Variants in NTNG1 observed in about 807,000 individuals in gnomAD.
NTNG1 encodes netrin-G1.
NTNG1 carries 16 observed loss-of-function variants against 54.0 expected under a neutral mutation model. The observed-to-expected ratio is 0.30, with a 90% CI of 0.20 to 0.45. The LOEUF is 0.45. Ranked by LOEUF, NTNG1 falls within the 20% of genes least tolerant of loss-of-function variation. The probability of loss-of-function intolerance (pLI) is 1.00; values close to 1 mark genes in which losing one functional copy is unlikely to be tolerated. For missense variants in NTNG1, 530 were observed against 678.7 expected (o/e 0.78, Z 2.43); for synonymous variants, 255 against 263.1 (o/e 0.97, Z 0.30).
chr1:107,171,227 G>T (rs562306751), intron 2 of NTNG1, among the ~76,000 whole-genome samples: 7 of 151,808 alleles, frequency 4.6e-5, no homozygotes, highest in African/African-American at 1.7e-4. Context: ...TATTTTTTGA[G>T]TTGAGTTTCA....
intron 2 of NTNG1, among the ~76,000 whole-genome samples, chr1:107,313,241 T>C (rs888437139): frequency 1.6e-4 from 25 of 152,358 alleles, no homozygotes; most frequent in African/African-American, 5.8e-4. Flanking sequence ...GAGATTTGTC[T>C]GGTATTTCCT....
intron 2 of NTNG1, among the ~76,000 whole-genome samples, chr1:107,248,689 C>T (rs114640074): frequency 1.3e-4 from 20 of 152,216 alleles, no homozygotes; most frequent in Non-Finnish European, 2.6e-4. Context: ...CATCCCAAAT[C>T]CAGGAGGGTG....
At chr1:107,302,992 T>C (rs1400147202) in intron 2 of NTNG1, among the ~76,000 whole-genome samples, 3 of 152,308 alleles carry the variant, frequency 2.0e-5, no homozygotes, top group African/African-American at 7.2e-5. Context: ...TATTTCCCCC[T>C]ACCTTCCTAC....
intron 2 of NTNG1, among the ~76,000 whole-genome samples, chr1:107,310,863 T>A (rs1371472922): frequency 6.6e-6 from 1 of 151,938 alleles, no homozygotes; most frequent in Admixed American, 6.6e-5. Flanking sequence ...CTGAGGGCCT[T>A]CTTTAAAAAA....
intron 7 of NTNG1, among the ~76,000 whole-genome samples, chr1:107,447,174 G>A (rs1676356181): frequency 6.6e-6 from 1 of 152,012 alleles, no homozygotes; most frequent in Non-Finnish European, 1.5e-5. Context: ...TTATTTTTAA[G>A]ACATACATTT....
At chr1:107,308,841 T>C in intron 2 of NTNG1, among the ~76,000 whole-genome samples, 1 of 152,160 alleles carries the variant, frequency 6.6e-6, no homozygotes, top group Non-Finnish European at 1.5e-5. Flanking sequence ...TTGAGATCCT[T>C]CACCTCTCTG....
At chr1:107,198,633 G>A (rs12024844) in intron 2 of NTNG1, among the ~76,000 whole-genome samples, 1 of 151,826 alleles carries the variant, frequency 6.6e-6, no homozygotes, top group Non-Finnish European at 1.5e-5. Flanking sequence ...AAAGAACTTA[G>A]AACTGGGGAC....
Position 107,395,054 on chromosome 1 carries a change from C to A in NTNG1, c.888-100C>A, listed in dbSNP as rs1044258699. 4 of 892,154 alleles carry A rather than the reference C, an allele frequency of 4.5e-6. No homozygotes were observed. The East Asian group carries it at 7.3e-5, about 16-fold the overall frequency. The allele number at this position is 892,154 out of a possible 1,614,324, so 55.3% of individuals were successfully genotyped here. A position where few individuals can be genotyped will look rare whatever the true frequency, so the allele number is the denominator to read the frequency against. ...TCTTACTAAATGCCTCTGTGTATCA[C>A]TAAAGCACTGCATGGTTTGAGGAGA... On this transcript the variant is annotated intron_variant, in intron 3 of 7. Coordinates refer to ENST00000370068, the MANE Select transcript of NTNG1 (RefSeq NM_001113226.3).
chr1:107,315,265 C>G (rs1307272286), intron 2 of NTNG1, among the ~76,000 whole-genome samples: 2 of 152,100 alleles, frequency 1.3e-5, no homozygotes, highest in Non-Finnish European at 2.9e-5. Context: ...CTCCTCGCAC[C>G]CCGTATCAAG....
chr1:107,143,846 T>C (rs1653918907), intron 1 of NTNG1, among the ~76,000 whole-genome samples: 1 of 152,088 alleles, frequency 6.6e-6, no homozygotes, highest in South Asian at 2.1e-4. Context: ...TTGGGTATTA[T>C]CCCATCCTCA....
intron 3 of NTNG1, among the ~76,000 whole-genome samples, chr1:107,345,200 G>T (rs116662656): frequency 0.013 from 2,048 of 152,258 alleles, 25 homozygotes; most frequent in Non-Finnish European, 0.019. Flanking sequence ...CAGAGTTCCA[G>T]AGCTATACGG....
chr1:107,242,812 G>A (rs530081053), intron 2 of NTNG1, among the ~76,000 whole-genome samples: 1 of 152,274 alleles, frequency 6.6e-6, no homozygotes, highest in East Asian at 1.9e-4. Flanking sequence ...TTTGTGCTTT[G>A]AAATACCTTT....
chr1:107,186,206 T>G (rs866909073), intron 2 of NTNG1, among the ~76,000 whole-genome samples: 111 of 152,280 alleles, frequency 7.3e-4, no homozygotes, highest in African/African-American at 2.5e-3. Flanking sequence ...TCATATGGAC[T>G]TTACCTTCAA....
At chr1:107,463,913 G>T (rs990083682) in intron 7 of NTNG1, among the ~76,000 whole-genome samples, 12 of 152,090 alleles carry the variant, frequency 7.9e-5, no homozygotes, top group African/African-American at 2.9e-4. Context: ...TGGTGGATTT[G>T]GGGGGTTTGA....
chr1:107,342,152 C>G (rs940552072), intron 3 of NTNG1, among the ~76,000 whole-genome samples: 6 of 151,984 alleles, frequency 3.9e-5, no homozygotes, highest in Non-Finnish European at 8.8e-5. Context: ...GCAAAGTAGA[C>G]TTATGAAAAT....
chr1:107,264,416 G>A (rs1336226267), intron 2 of NTNG1, among the ~76,000 whole-genome samples: 2 of 152,294 alleles, frequency 1.3e-5, no homozygotes, highest in Admixed American at 6.5e-5. Flanking sequence ...CCAAATTCAA[G>A]TGGATTAAGC....
chr1:107,207,334 G>C (rs947632102), intron 2 of NTNG1, among the ~76,000 whole-genome samples: 3 of 152,138 alleles, frequency 2.0e-5, no homozygotes, highest in Non-Finnish European at 2.9e-5. Flanking sequence ...CTCCTCTGTG[G>C]AATCAGGTAC....
chr1:107,274,693 C>A (rs898065856), intron 2 of NTNG1, among the ~76,000 whole-genome samples: 1 of 152,196 alleles, frequency 6.6e-6, no homozygotes, highest in African/African-American at 2.4e-5. Context: ...GGGCAATGAG[C>A]AGGAAAGCAC....
intron 3 of NTNG1, among the ~76,000 whole-genome samples, chr1:107,361,370 T>TGTAC (rs1553232687): frequency 3.1e-4 from 17 of 54,780 alleles, no homozygotes; most frequent in African/African-American, 1.2e-3. Flanking sequence ...CATATATATA[T>TGTAC]ATACATATAT....
Sources: allele counts gnomAD v4.1 joint callset (sites outside exome capture counted in the v4.1 genomes callset), GRCh38; gene constraint gnomAD v4.1.1; transcripts MANE v1.5; gene names NCBI Gene and HGNC (gene_info 2026-07-23, HGNC 2026-07-21).